Variants in MYO18A observed in about 807,000 individuals in gnomAD.
The protein encoded by MYO18A is unconventional myosin-XVIIIa.
MYO18A carries 78 observed loss-of-function variants against 235.8 expected under a neutral mutation model. That is an observed-to-expected ratio of 0.33 (90% CI 0.28 to 0.40). The LOEUF is 0.40. Ranked by LOEUF, MYO18A falls within the 10% of genes least tolerant of loss-of-function variation. MYO18A has a pLI of 1.00. For missense variants in MYO18A, 2,215 were observed against 2,699.3 expected, an observed-to-expected ratio of 0.82 and a Z score of 3.98; for synonymous variants, 977 against 1,077.8, an observed-to-expected ratio of 0.91 and a Z score of 1.83.
chr17:29,114,375 A>G, intron 14 of MYO18A: 2 of 393,648 alleles, frequency 5.1e-6, no homozygotes, highest in Non-Finnish European at 9.2e-6. Context: ...CCCACTCTCA[A>G]TTTCACACAA....
chr17:29,147,757 C>T (rs927987626), intron 2 of MYO18A, among the ~76,000 whole-genome samples: 4 of 151,568 alleles, frequency 2.6e-5, no homozygotes, highest in Non-Finnish European at 5.9e-5. Flanking sequence ...ATTAGCCAGG[C>T]GTGGTGGCCT....
At position 29,121,513 on chromosome 17, in the gene MYO18A, AG is replaced by A; in HGVS notation, c.1371+33del. 14 of 1,563,546 alleles carry A rather than the reference AG, an allele frequency of 9.0e-6. No homozygotes were observed. The highest frequency in any genetic ancestry group is 1.2e-5 in the Non-Finnish European group (14 of 1,153,446). On this transcript the variant is annotated intron_variant, in intron 5 of 41. Coordinates refer to ENST00000527372, the MANE Select transcript of MYO18A (RefSeq NM_078471.4). This position sits in a 1 kb window ranked among gnomAD's most constrained non-coding sequence, Gnocchi z 4.2. ...GAGAGCCAGGGCAGGGGGTGGGACC[AG>A]GAGTCTGCAGGGTAGCCTTGAGGGT...
chr17:29,109,777 C>T lies in MYO18A; in HGVS notation c.3331+81G>A, dbSNP rs537352564. ...ACAGGAGCAGCCCCACTGCAGCCCACGGGTCGCAGGTGGGAGGTGGGGCCG... is the reference window on the plus strand; with the variant it reads ...ACAGGAGCAGCCCCACTGCAGCCCATGGGTCGCAGGTGGGAGGTGGGGCCG... On this transcript the variant is annotated intron_variant, in intron 19 of 41. Coordinates refer to ENST00000527372, the MANE Select transcript of MYO18A (RefSeq NM_078471.4). This position sits in a 1 kb window ranked among gnomAD's most constrained non-coding sequence, Gnocchi z 4.1. 3.6e-4 allele frequency: 534 copies of T among 1,491,750 alleles called. 3 individuals are homozygous for T. The South Asian group carries it at 4.8e-3, about 13-fold the overall frequency. 92.4% of individuals were successfully genotyped at this position (1,491,750 alleles called of 1,614,324 possible).
chr17:29,147,250 C>T (rs985263738), intron 2 of MYO18A, among the ~76,000 whole-genome samples: 17 of 152,206 alleles, frequency 1.1e-4, no homozygotes, highest in Non-Finnish European at 4.4e-5. Flanking sequence ...GGCATGGTGG[C>T]TTATTCCTGT....
chr17:29,111,801 A>G lies in MYO18A; in HGVS notation c.2661T>C (p.Ala887=), dbSNP rs757044224. ...TGTCCTCACTGGCCCCTGGCACCAG[A>G]GCCTCCTCTTCCAATAGCCAGAGCA... ...RGLLWLLEEE[A]LVPGASEDTL... The change falls in exon 16 of 42, where the codon GCT becomes GCC. Residue 887 remains alanine, a synonymous_variant. Transcript: ENST00000527372. This position sits in a 1 kb window ranked among gnomAD's most constrained non-coding sequence, Gnocchi z 5.1. 87 of 1,613,664 alleles carry G rather than the reference A, an allele frequency of 5.4e-5. No homozygotes were observed. Among genetic ancestry groups the G allele is most frequent in the Middle Eastern group, 4.9e-4 (3 of 6,080 alleles).
rs187554147 is a variant in MYO18A, at chr17:29,154,253, C to A, written c.999+11689G>T. 1.3e-3 allele frequency among the ~76,000 whole-genome samples: 193 copies of A among 152,200 alleles called. 2 individuals are homozygous for A. The highest frequency in any genetic ancestry group is 4.4e-3 in the African/African-American group (183 of 41,518). ...ATGGATGGAGGCAAGAGTGATCAGG[C>A]AGCCCTGGGAGAGGCGTGTAGACAG... On this transcript the variant is annotated intron_variant, in intron 2 of 41. Transcript: ENST00000527372.
At chr17:29,176,836 C>G (rs907927025) in intron 1 of MYO18A, 23 of 152,290 alleles carry the variant, frequency 1.5e-4, no homozygotes, top group Non-Finnish European at 2.9e-4. Flanking sequence ...CCAGCCCTCA[C>G]GCCGCCGCGC....
At chr17:29,081,174 G>A (rs1453002015) in intron 41 of MYO18A, among the ~76,000 whole-genome samples, 1 of 152,236 alleles carries the variant, frequency 6.6e-6, no homozygotes, top group Non-Finnish European at 1.5e-5. Context: ...AAGTGGTGGT[G>A]AGAGCATCGG....
chr17:29,098,494 T>C (rs1380524645), intron 23 of MYO18A, 49 bp from the exon 24 acceptor site: 6 of 1,603,768 alleles, frequency 3.7e-6, no homozygotes, highest in South Asian at 3.3e-5. Context: ...CTGCGAGGGA[T>C]TGGGGCCCTG....
At chr17:29,154,121 T>TGTGTGTGTGTGTGTGTGTGCGCGC (rs142430455) in intron 2 of MYO18A, among the ~76,000 whole-genome samples, 364 of 149,072 alleles carry the variant, frequency 2.4e-3, no homozygotes, top group Middle Eastern at 6.9e-3. Flanking sequence ...TGTGTGTGTG[T>TGTGTGTGTGTGTGTGTGTGCGCGC]GCGCGCGCGT....
At chr17:29,114,348 A>G in intron 14 of MYO18A, 1 of 483,034 alleles carries the variant, frequency 2.1e-6, no homozygotes, top group Non-Finnish European at 3.7e-6. Context: ...TGAGTTGATT[A>G]GGCAACACAG....
At chr17:29,129,766 C>T (rs1273614344) in intron 2 of MYO18A, among the ~76,000 whole-genome samples, 2 of 152,244 alleles carry the variant, frequency 1.3e-5, no homozygotes, top group Admixed American at 1.3e-4. Flanking sequence ...GAAGTTGCTC[C>T]ACCTTTTGAG....
Position 29,092,966 on chromosome 17 carries a change from C to T in MYO18A, c.4962G>A (p.Leu1654=), listed in dbSNP as rs1194229521. Residue 1654 remains leucine (L), a synonymous_variant, in exon 33 of 42, where the codon CTG becomes CTA. Transcript: ENST00000527372. ...NRRDFESEKR[L]RKDLKRTKAL... ...CCTTGGTGCGCTTCAGGTCCTTCCGCAGCCGCTTCTCTGACTCAAAGTCCC... is the reference window on the plus strand; with the variant it reads ...CCTTGGTGCGCTTCAGGTCCTTCCGTAGCCGCTTCTCTGACTCAAAGTCCC... 2 of 1,613,740 alleles carry T rather than the reference C, an allele frequency of 1.2e-6. No individual in the cohort carries two copies. Among genetic ancestry groups the T allele is most frequent in the East Asian group, 2.2e-5 (1 of 44,862 alleles).
At chr17:29,139,024 G>A (rs924801809) in intron 2 of MYO18A, among the ~76,000 whole-genome samples, 3 of 152,228 alleles carry the variant, frequency 2.0e-5, no homozygotes, top group African/African-American at 7.2e-5. Context: ...CTGCCAGACA[G>A]CGGGGGAGGG....
chr17:29,165,609 T>G (rs6505111), intron 2 of MYO18A: 1 of 273,888 alleles, frequency 3.7e-6, no homozygotes, highest in Non-Finnish European at 6.9e-6. Context: ...CTGCTCAGAA[T>G]TCTACTGCAG....
chr17:29,120,896 G>A lies in MYO18A; in HGVS notation c.1585+102C>T. On this transcript the variant is annotated intron_variant, in intron 6 of 41. Transcript: ENST00000527372. The surrounding 1 kb of genome is among the most constrained non-coding windows in gnomAD (Gnocchi z 4.2). ...GTGGACAGAGGGGTTTCGGGGGGAT[G>A]GAAAGGCCAGGGAGAAAAAGAGCTG... The A allele has an allele frequency of 6.4e-7, 1 of 1,556,042 alleles. No homozygotes were observed. Among genetic ancestry groups the A allele is most frequent in the Non-Finnish European group, 8.7e-7 (1 of 1,144,326 alleles).
rs574530281 is a variant in MYO18A, at chr17:29,158,674, C to G, written c.999+7268G>C. ...ACCAGTCCCCACCGTCCCCCCAAGA[C>G]TGCAGTGAGTAGAATACAGCAGCTT... On this transcript the variant is annotated intron_variant, in intron 2 of 41. Transcript: ENST00000527372. The surrounding 1 kb of genome is among the most constrained non-coding windows in gnomAD (Gnocchi z 4.3). Among the ~76,000 whole-genome samples the G allele has an allele frequency of 2.0e-5, 3 of 152,352 alleles. No individual in the cohort carries two copies. The East Asian group carries it at 5.8e-4, about 29-fold the overall frequency.
At chr17:29,110,646 G>T (rs1361960910) in intron 17 of MYO18A, 24 bp from the exon 18 acceptor site, 6 of 1,590,656 alleles carry the variant, frequency 3.8e-6, no homozygotes, top group Non-Finnish European at 5.1e-6. Context: ...GAGGATAAGG[G>T]AGGAAAAGCA....
intron 28 of MYO18A, among the ~76,000 whole-genome samples, chr17:29,096,373 AACG>A (rs1909022902): frequency 6.6e-6 from 1 of 152,322 alleles, no homozygotes; most frequent in East Asian, 1.9e-4. Flanking sequence ...ACGGTAGTTT[AACG>A]ACATTAGTCA....
Sources: allele counts gnomAD v4.1 joint callset (sites outside exome capture counted in the v4.1 genomes callset), GRCh38; gene constraint gnomAD v4.1.1; non-coding constraint Gnocchi (gnomAD v3.1); transcripts MANE v1.5; gene names NCBI Gene and HGNC (gene_info 2026-07-23, HGNC 2026-07-21).